CDH10: variants seen among roughly 807,000 people sequenced by gnomAD.
The protein encoded by CDH10 is cadherin 10, also known as cadherin-10.
A neutral mutation model predicts 73.1 loss-of-function variants in CDH10; 30 were observed. The ratio of observed to expected loss-of-function variants is 0.41; its 90% CI spans 0.31 to 0.56. The LOEUF is 0.56. Among genes scored for constraint, CDH10 ranks in the 20% least tolerant of loss-of-function variants. The pLI is 0.27. For missense variants in CDH10, 815 were observed against 973.7 expected (o/e 0.84, Z 2.17); for synonymous variants, 345 against 348.2 (o/e 0.99, Z 0.10).
In CDH10 at chr5:24,536,232, G is replaced by A. The variant is rs113946762; in HGVS notation, c.527-410C>T. Among the ~76,000 whole-genome samples, 548 of 151,968 alleles carry A rather than the reference G, an allele frequency of 3.6e-3. 4 individuals carry two copies. The highest frequency in any genetic ancestry group is 0.012 in the African/African-American group (514 of 41,490). Reference sequence around the variant, plus strand: ...TTAACTCTAAAAATAATTAACATCTGCTCTAGAATACAATTTTATGAATAG... The same window carrying A: ...TTAACTCTAAAAATAATTAACATCTACTCTAGAATACAATTTTATGAATAG... On this transcript the variant is annotated intron_variant, in intron 3 of 11. Transcript: ENST00000264463.
At chr5:24,629,900 T>C (rs1271387055) in intron 1 of CDH10, among the ~76,000 whole-genome samples, 1 of 152,162 alleles carries the variant, frequency 6.6e-6, no homozygotes, top group Admixed American at 6.6e-5. Flanking sequence ...TAGAATATTT[T>C]CCAGTGGAAA....
intron 2 of CDH10, among the ~76,000 whole-genome samples, chr5:24,564,240 T>C (rs1745084418): frequency 6.6e-6 from 1 of 152,220 alleles, no homozygotes; most frequent in African/African-American, 2.4e-5. Flanking sequence ...ATATTTCTTT[T>C]TGTTGTTGTT....
intron 9 of CDH10, among the ~76,000 whole-genome samples, chr5:24,495,618 G>A (rs1304183684): frequency 6.6e-6 from 1 of 152,102 alleles, no homozygotes; most frequent in Non-Finnish European, 1.5e-5. Context: ...GGAGGTCAAG[G>A]TGGGCGGATC....
chr5:24,542,966 T>C (rs1744212558), intron 2 of CDH10, among the ~76,000 whole-genome samples: 1 of 152,164 alleles, frequency 6.6e-6, no homozygotes, highest in South Asian at 2.1e-4. Context: ...AGGCCACAAA[T>C]ATTCACACCA....
At chr5:24,494,905 A>T (rs1026012539) in intron 9 of CDH10, among the ~76,000 whole-genome samples, 1 of 152,144 alleles carries the variant, frequency 6.6e-6, no homozygotes, top group East Asian at 1.9e-4. Context: ...TATGACCTTA[A>T]GACTTCGCTA....
At chr5:24,512,091 C>T (rs537822714) in intron 5 of CDH10, among the ~76,000 whole-genome samples, 4 of 152,238 alleles carry the variant, frequency 2.6e-5, no homozygotes, top group African/African-American at 9.6e-5. Flanking sequence ...ACCCCCGTGA[C>T]ACAAGTTTAC....
intron 2 of CDH10, among the ~76,000 whole-genome samples, chr5:24,571,686 T>C (rs182420455): frequency 6.7e-6 from 1 of 149,192 alleles, no homozygotes. Context: ...TACATTCAAT[T>C]CTATAATAGC....
intron 2 of CDH10, among the ~76,000 whole-genome samples, chr5:24,588,908 G>A (rs534319707): frequency 4.6e-5 from 7 of 152,164 alleles, no homozygotes; most frequent in South Asian, 4.1e-4. Flanking sequence ...ACATTGATTC[G>A]TACAGCAAAA....
At chr5:24,538,299 T>A (rs966115047) in intron 2 of CDH10, among the ~76,000 whole-genome samples, 5 of 152,080 alleles carry the variant, frequency 3.3e-5, no homozygotes, top group African/African-American at 1.2e-4. Flanking sequence ...AAGTTATAAA[T>A]AAAATTAATG....
Position 24,535,258 on chromosome 5 carries a change from G to A in CDH10, c.668C>T (p.Pro223Leu), listed in dbSNP as rs1374333268. The A allele has an allele frequency of 7.4e-6, 12 of 1,612,216 alleles. No homozygotes were observed. The South Asian group carries it at 7.7e-5, about 10-fold the overall frequency. The change falls in exon 5 of 12, where the codon CCG becomes CTG. Residue 223 changes from proline (P) to leucine (L), a missense_variant. By Grantham distance (98) the Pro-to-Leu change is moderately conservative (BLOSUM62 -3). Around this residue, in one of 3 missense-constraint regions of CDH10, gnomAD observed 516 missense variants for 636.6 expected, o/e 0.81. Coordinates refer to ENST00000264463, the MANE Select transcript of CDH10 (RefSeq NM_006727.5). ...PETGIIRTALPNMNRENREQY... is the reference protein window; with the variant it reads ...PETGIIRTALLNMNRENREQY... ...CTCTCTGTTTTCTCTGTTCATGTTC[G>A]GTAAAGCAGTCCTGATGATACCTTG...
At chr5:24,563,537 C>G (rs1359404477) in intron 2 of CDH10, among the ~76,000 whole-genome samples, 1 of 141,708 alleles carries the variant, frequency 7.1e-6, no homozygotes, top group African/African-American at 2.6e-5. Context: ...GGGCGGATCA[C>G]GAGGTCAGGA....
At chr5:24,575,445 G>A (rs996492598) in intron 2 of CDH10, among the ~76,000 whole-genome samples, 2 of 150,246 alleles carry the variant, frequency 1.3e-5, no homozygotes, top group Non-Finnish European at 2.9e-5. Flanking sequence ...CATCTTTTAC[G>A]AATTACGTTA....
chr5:24,536,423 T>C (rs1293822104), intron 3 of CDH10, among the ~76,000 whole-genome samples: 1 of 152,022 alleles, frequency 6.6e-6, no homozygotes, highest in East Asian at 1.9e-4. Flanking sequence ...CCCAGAACAA[T>C]GCTTTTGAGA....
At chr5:24,560,893 T>G (rs1744937044) in intron 2 of CDH10, among the ~76,000 whole-genome samples, 1 of 152,148 alleles carries the variant, frequency 6.6e-6, no homozygotes, top group Non-Finnish European at 1.5e-5. Context: ...TTTACTATAG[T>G]GAAATAATCC....
intron 2 of CDH10, among the ~76,000 whole-genome samples, chr5:24,557,112 A>T (rs189743454): frequency 6.6e-6 from 1 of 151,890 alleles, no homozygotes; most frequent in East Asian, 1.9e-4. Flanking sequence ...AGGGGGGTGG[A>T]ATGATGGTGA....
Position 24,593,549 on chromosome 5 carries a change from T to C in CDH10, c.-59A>G. 1 of 944,030 alleles carries C rather than the reference T, an allele frequency of 1.1e-6. No individual in the cohort carries two copies. The highest frequency in any genetic ancestry group is 1.7e-6 in the Non-Finnish European group (1 of 591,562). The allele number at this position is 944,030 out of a possible 1,614,324, so 58.5% of individuals were successfully genotyped here. On this transcript the variant is annotated 5_prime_UTR_variant, in exon 2 of 12. Coordinates refer to ENST00000264463, the MANE Select transcript of CDH10 (RefSeq NM_006727.5). Reference sequence around the variant, plus strand: ...AGAGAAGTGGTCCTATTTTACCCAGTTGGTTTTACTGTGTTTCAACTGGTT... The same window carrying C: ...AGAGAAGTGGTCCTATTTTACCCAGCTGGTTTTACTGTGTTTCAACTGGTT...
chr5:24,624,082 C>T (rs1242923241), intron 1 of CDH10, among the ~76,000 whole-genome samples: 1 of 152,002 alleles, frequency 6.6e-6, no homozygotes, highest in Non-Finnish European at 1.5e-5. Context: ...TTTGAGAGCT[C>T]AGTACGTACT....
At chr5:24,525,689 C>A (rs1387523402) in intron 5 of CDH10, among the ~76,000 whole-genome samples, 2 of 152,010 alleles carry the variant, frequency 1.3e-5, no homozygotes, top group African/African-American at 2.4e-5. Context: ...ATTGAAGATT[C>A]TTACCAGAGG....
intron 2 of CDH10, among the ~76,000 whole-genome samples, chr5:24,572,708 A>C (rs2112027335): frequency 6.6e-6 from 1 of 152,174 alleles, no homozygotes; most frequent in South Asian, 2.1e-4. Context: ...AAGAGGAGAA[A>C]ATTTACAGTA....
Sources: allele counts gnomAD v4.1 joint callset (sites outside exome capture counted in the v4.1 genomes callset), GRCh38; gene constraint gnomAD v4.1.1; regional missense constraint gnomAD v4.1.1; transcripts MANE v1.5; gene names NCBI Gene and HGNC (gene_info 2026-07-23, HGNC 2026-07-21).